CDH7: variants seen among roughly 807,000 people sequenced by gnomAD.
The protein encoded by CDH7 is cadherin-7.
Under a neutral mutation model 71.8 loss-of-function variants are expected in CDH7, and 25 were observed. The observed-to-expected ratio is 0.35, with a 90% CI of 0.25 to 0.49. The LOEUF is 0.49. Among genes scored for constraint, CDH7 ranks in the 20% least tolerant of loss-of-function variants. The pLI is 0.99. For missense variants in CDH7, 862 were observed against 974.6 expected (o/e 0.88, Z 1.54); for synonymous variants, 381 against 363.8 (o/e 1.05, Z -0.54).
At chr18:65,778,750 G>A (rs922527428) in intron 2 of CDH7, among the ~76,000 whole-genome samples, 4 of 150,606 alleles carry the variant, frequency 2.7e-5, no homozygotes, top group African/African-American at 7.3e-5. Flanking sequence ...AAAGATTCAG[G>A]GTCTTTAAAA....
intron 2 of CDH7, among the ~76,000 whole-genome samples, chr18:65,776,670 C>A (rs1909956824): frequency 1.3e-5 from 2 of 152,142 alleles, no homozygotes; most frequent in Admixed American, 1.3e-4. Context: ...GTCAGAACTT[C>A]ATTGAATCAT....
chr18:65,869,382 T>A (rs761903884), intron 11 of CDH7, among the ~76,000 whole-genome samples: 32 of 152,024 alleles, frequency 2.1e-4, no homozygotes, highest in Non-Finnish European at 4.1e-4. Context: ...CAGACTAAAA[T>A]CACAGACTCT....
chr18:65,880,524 C>T lies in CDH7; in HGVS notation c.1988C>T (p.Thr663Met). The stretch of plus-strand genomic sequence containing the variant: ...GACGAGGGCGGGGGAGAGGAGGACA[C>T]GGAAGCGTTTGACATGGCTGCACTG... ...YDDEGGGEED[T>M]EAFDMAALRN... The change falls in exon 12 of 12, where the codon ACG becomes ATG. Residue 663 changes from threonine (T) to methionine (M), a missense_variant. Coordinates refer to ENST00000397968, the MANE Select transcript of CDH7 (RefSeq NM_004361.5). 4.3e-6 allele frequency: 7 copies of T among 1,613,402 alleles called. No individual in the cohort carries two copies. Among genetic ancestry groups the T allele is most frequent in the South Asian group, 3.3e-5 (3 of 91,016 alleles).
At chr18:65,780,284 G>T (rs1598998552) in intron 2 of CDH7, among the ~76,000 whole-genome samples, 1 of 116,284 alleles carries the variant, frequency 8.6e-6, no homozygotes, top group Non-Finnish European at 1.7e-5. Context: ...AGTTTCTTTT[G>T]CTGTGCAGAA....
intron 2 of CDH7, among the ~76,000 whole-genome samples, chr18:65,796,653 C>G (rs551366185): frequency 6.6e-6 from 1 of 152,068 alleles, no homozygotes; most frequent in East Asian, 1.9e-4. Context: ...GACAAAGTAC[C>G]GATGGCCCCA....
intron 2 of CDH7, among the ~76,000 whole-genome samples, chr18:65,769,775 T>C (rs1916487897): frequency 1.3e-5 from 2 of 152,152 alleles, no homozygotes; most frequent in African/African-American, 4.8e-5. Context: ...ATGTTTCTTC[T>C]TAATGCATAT....
intron 2 of CDH7, among the ~76,000 whole-genome samples, chr18:65,784,947 GA>G (rs1396314391): frequency 2.0e-5 from 3 of 152,128 alleles, no homozygotes; most frequent in East Asian, 3.9e-4. Flanking sequence ...CTCCCTTCCA[GA>G]GGAAGATGTT....
rs1184291215 is a variant in CDH7, at chr18:65,884,654, TGCAAATAGTG to T, written c.*3761_*3770del. ...GATCCACATGCCCAAGAAATGCAAA[TGCAAATAGTG>T]TTGTTAGCATTTATATTGAAATATA... On this transcript the variant is annotated 3_prime_UTR_variant, in exon 12 of 12. Coordinates refer to ENST00000397968, the MANE Select transcript of CDH7 (RefSeq NM_004361.5). 1.6e-5 allele frequency: 1 copy of T among 63,030 alleles called. No homozygotes were observed. Among genetic ancestry groups the T allele is most frequent in the Non-Finnish European group, 3.4e-5 (1 of 29,544 alleles). The allele number at this position is 63,030 out of a possible 1,614,324, so 3.9% of individuals were successfully genotyped here.
At chr18:65,782,457 C>T (rs375437528) in intron 2 of CDH7, among the ~76,000 whole-genome samples, 3 of 152,102 alleles carry the variant, frequency 2.0e-5, no homozygotes, top group East Asian at 1.9e-4. Flanking sequence ...CTCACTCAGC[C>T]GGATTTCTAT....
chr18:65,871,902 G>T (rs1913937798), intron 11 of CDH7, among the ~76,000 whole-genome samples: 1 of 152,098 alleles, frequency 6.6e-6, no homozygotes, highest in Non-Finnish European at 1.5e-5. Flanking sequence ...GAGAGATTTA[G>T]ATGTCAGAGA....
intron 3 of CDH7, among the ~76,000 whole-genome samples, chr18:65,813,095 G>A (rs1218288153): frequency 6.6e-6 from 1 of 152,226 alleles, no homozygotes; most frequent in Non-Finnish European, 1.5e-5. Context: ...CACTTTGGGA[G>A]GCCAAGGTGG....
chr18:65,755,985 AAAAACAAAAACAAAAAAC>A (rs1317967703), intron 1 of CDH7, among the ~76,000 whole-genome samples: 3 of 151,928 alleles, frequency 2.0e-5, no homozygotes, highest in African/African-American at 4.9e-5. Flanking sequence ...ACAAAAAAAC[AAAAACAAAAACAAAAAAC>A]AAAACAAAAC....
At chr18:65,826,853 G>A (rs1381375278) in intron 6 of CDH7, among the ~76,000 whole-genome samples, 2 of 151,484 alleles carry the variant, frequency 1.3e-5, no homozygotes, top group Admixed American at 6.6e-5. Context: ...CACAGAGATG[G>A]TTTTCAGTGG....
intron 11 of CDH7, among the ~76,000 whole-genome samples, chr18:65,875,197 G>A (rs1349623394): frequency 6.6e-6 from 1 of 152,132 alleles, no homozygotes; most frequent in Admixed American, 6.6e-5. Flanking sequence ...AGCAAATATA[G>A]GTGACTTCTG....
chr18:65,835,349 A>C (rs1056505478), intron 6 of CDH7, among the ~76,000 whole-genome samples: 11 of 152,208 alleles, frequency 7.2e-5, no homozygotes, highest in African/African-American at 2.7e-4. Context: ...AAATATGTTG[A>C]GTTCCAGCGC....
At chr18:65,856,408 T>C (rs1211846314) in intron 7 of CDH7, among the ~76,000 whole-genome samples, 1 of 152,080 alleles carries the variant, frequency 6.6e-6, no homozygotes, top group Admixed American at 6.6e-5. Flanking sequence ...CAAATTGATT[T>C]TAAGAAAATG....
At chr18:65,868,390 A>G (rs1384239872) in intron 11 of CDH7, among the ~76,000 whole-genome samples, 1 of 152,258 alleles carries the variant, frequency 6.6e-6, no homozygotes. Flanking sequence ...ATACACAAAA[A>G]GTTACAGAAT....
At chr18:65,849,339 T>TTTTTCTTTTCTTTTCTTTTC (rs71167161) in intron 7 of CDH7, among the ~76,000 whole-genome samples, 7 of 82,816 alleles carry the variant, frequency 8.5e-5, no homozygotes, top group African/African-American at 1.8e-4. Context: ...TAGCCTTTCC[T>TTTTTCTTTTCTTTTCTTTTC]TTTTCTTTTC....
In CDH7 at chr18:65,875,077, T is replaced by C. The variant is rs115028796; in HGVS notation, c.1865-5324T>C. 1.2e-3 allele frequency among the ~76,000 whole-genome samples: 182 copies of C among 152,284 alleles called. 1 individual carries two copies. Among genetic ancestry groups the C allele is most frequent in the African/African-American group, 4.2e-3 (175 of 41,560 alleles). On this transcript the variant is annotated intron_variant, in intron 11 of 11. Coordinates refer to ENST00000397968, the MANE Select transcript of CDH7 (RefSeq NM_004361.5). Reference sequence around the variant, plus strand: ...AATATATTATGAAATATTTTTGCAATTTTTTTAGGTCATCAGCTATCATTA... The same window carrying C: ...AATATATTATGAAATATTTTTGCAACTTTTTTAGGTCATCAGCTATCATTA...
Sources: allele counts gnomAD v4.1 joint callset (sites outside exome capture counted in the v4.1 genomes callset), GRCh38; gene constraint gnomAD v4.1.1; transcripts MANE v1.5; gene names NCBI Gene and HGNC (gene_info 2026-07-23, HGNC 2026-07-21).